The following VAV2 variants were observed in gnomAD, a reference collection of about 807,000 sequenced individuals.
The protein encoded by VAV2 is guanine nucleotide exchange factor VAV2.
A neutral mutation model predicts 132.5 loss-of-function variants in VAV2; 67 were observed. The observed-to-expected ratio is 0.51, with a 90% CI of 0.42 to 0.62. VAV2 has a LOEUF of 0.62. VAV2 is among the 20% of genes least tolerant of loss of function. VAV2 has a pLI of 0.00. For synonymous variants in VAV2, 492 were observed against 443.5 expected (o/e 1.11, Z -1.37); for missense variants, 938 against 1,153.6 (o/e 0.81, Z 2.71).
chr9:133,930,624 C>G (rs1156837052), intron 2 of VAV2, among the ~76,000 whole-genome samples: 1 of 152,248 alleles, frequency 6.6e-6, no homozygotes, highest in Non-Finnish European at 1.5e-5. Flanking sequence ...CCTGAGGATG[C>G]CCCCAGCTCC....
At chr9:133,775,919 G>T (rs1030650426) in intron 24 of VAV2, 109 bp downstream of exon 24, 3 of 1,395,600 alleles carry the variant, frequency 2.1e-6, no homozygotes, top group East Asian at 5.2e-5. Context: ...GGCAGCCTGG[G>T]GCCTCCACCC....
intron 2 of VAV2, among the ~76,000 whole-genome samples, chr9:133,911,105 G>A (rs1448688551): frequency 1.3e-5 from 2 of 152,198 alleles, no homozygotes; most frequent in Admixed American, 6.5e-5. Context: ...GGGAGCACAG[G>A]TCTGATCTCT....
rs1356704379 is a variant in VAV2, at chr9:133,984,135, C to G, written c.204+7940G>C. Among the ~76,000 whole-genome samples, 5 of 152,222 alleles carry G rather than the reference C, an allele frequency of 3.3e-5. No homozygotes were observed. In the East Asian group the frequency reaches 9.7e-4, roughly 29 times the overall value. On this transcript the variant is annotated intron_variant, in intron 1 of 29. Transcript: ENST00000371850. ...TACAAGTGTGCACCACCACACCCAG[C>G]TAATTTTTTGTATTTTTAGCAGATA...
At position 133,834,164 on chromosome 9, in the gene VAV2, C is replaced by T; in HGVS notation, c.449+108G>A. The T allele has an allele frequency of 2.0e-5, 26 of 1,310,318 alleles. No homozygotes were observed. The highest frequency in any genetic ancestry group is 2.8e-5 in the Non-Finnish European group (26 of 944,284). 81.2% of individuals were successfully genotyped at this position (1,310,318 alleles called of 1,614,324 possible). A position where few individuals can be genotyped will look rare whatever the true frequency, so the allele number is the denominator to read the frequency against. On this transcript the variant is annotated intron_variant, in intron 4 of 29. Coordinates refer to ENST00000371850, the MANE Select transcript of VAV2 (RefSeq NM_001134398.2). The surrounding 1 kb of genome is among the most constrained non-coding windows in gnomAD (Gnocchi z 5.9). ...CCCCGGTGGGAAGGGCCAGGGCCAG[C>T]TCTGCCTGCACTGTGGCCGCCATGT...
chr9:133,869,589 G>A (rs775885448), intron 2 of VAV2, among the ~76,000 whole-genome samples: 26 of 152,230 alleles, frequency 1.7e-4, no homozygotes, highest in South Asian at 1.0e-3. Context: ...CAGCCTGGGC[G>A]ACACAGTGAA....
At chr9:133,807,569 C>T (rs1164984279) in intron 7 of VAV2, among the ~76,000 whole-genome samples, 1 of 152,184 alleles carries the variant, frequency 6.6e-6, no homozygotes, top group African/African-American at 2.4e-5. Context: ...CCTGTGGTGG[C>T]CACTCACACA....
In VAV2 at chr9:133,864,702, C is replaced by T. The variant is rs761717366; in HGVS notation, c.322-3270G>A. Reference sequence around the variant, plus strand: ...TGGCTGGATATGCAGCCCGCTGGGGCCCTCTGTCCCCTAAGGACTGGCCAG... The same window carrying T: ...TGGCTGGATATGCAGCCCGCTGGGGTCCTCTGTCCCCTAAGGACTGGCCAG... On this transcript the variant is annotated intron_variant, in intron 2 of 29. Coordinates refer to ENST00000371850, the MANE Select transcript of VAV2 (RefSeq NM_001134398.2). Among the ~76,000 whole-genome samples, 16 of 152,230 alleles carry T rather than the reference C, an allele frequency of 1.1e-4. 1 individual carries two copies. The highest frequency in any genetic ancestry group is 4.1e-4 in the South Asian group (2 of 4,832).
At chr9:133,825,032 G>A (rs978247327) in intron 4 of VAV2, among the ~76,000 whole-genome samples, 1 of 152,244 alleles carries the variant, frequency 6.6e-6, no homozygotes, top group Admixed American at 6.5e-5. Context: ...ACCCTTGGCA[G>A]CATTTGAGGG....
At chr9:133,922,867 T>C (rs1840345304) in intron 2 of VAV2, among the ~76,000 whole-genome samples, 1 of 152,172 alleles carries the variant, frequency 6.6e-6, no homozygotes, top group Non-Finnish European at 1.5e-5. Context: ...CATCAGACTC[T>C]AAAACTTCTG....
intron 2 of VAV2, among the ~76,000 whole-genome samples, chr9:133,873,538 C>T (rs776357851): frequency 1.0e-3 from 156 of 152,300 alleles, no homozygotes; most frequent in African/African-American, 1.4e-3. Context: ...AAGACAGGAG[C>T]GGCACTGCCC....
Position 133,769,904 on chromosome 9 carries a change from C to A in VAV2, c.2348-401G>T, listed in dbSNP as rs190325795. 7.6e-4 allele frequency among the ~76,000 whole-genome samples: 116 copies of A among 152,320 alleles called. No homozygotes were observed. Among genetic ancestry groups the A allele is most frequent in the African/African-American group, 2.7e-3 (114 of 41,582 alleles). On this transcript the variant is annotated intron_variant, in intron 27 of 29. Coordinates refer to ENST00000371850, the MANE Select transcript of VAV2 (RefSeq NM_001134398.2). The surrounding 1 kb of genome is among the most constrained non-coding windows in gnomAD (Gnocchi z 8.1). ...GGGTGACTCTGGAGAGAGTCCTGAG[C>A]GGGAAGCCGCATGCTCGGGGCCTGC...
At position 133,770,602 on chromosome 9, in the gene VAV2, G is replaced by A. The variant is rs543590161; in HGVS notation, c.2224-101C>T. The A allele has an allele frequency of 9.6e-4, 1,469 of 1,535,368 alleles. 3 individuals carry two copies. Among genetic ancestry groups the A allele is most frequent in the Non-Finnish European group, 1.2e-3 (1,379 of 1,136,616 alleles). ...CCCACCTCTTGGTTCATGTGGGGGA[G>A]ACTAGCTTCCTGGACTCCTCAGAAC... On this transcript the variant is annotated intron_variant, in intron 26 of 29. Transcript: ENST00000371850.
At chr9:133,951,438 G>A (rs1309833882) in intron 1 of VAV2, among the ~76,000 whole-genome samples, 1 of 152,168 alleles carries the variant, frequency 6.6e-6, no homozygotes, top group African/African-American at 2.4e-5. Flanking sequence ...CTCTCCTGCA[G>A]GTGCCTACAA....
Position 133,823,965 on chromosome 9 carries a change from G to A in VAV2, c.449+10307C>T, listed in dbSNP as rs1007301234. Among the ~76,000 whole-genome samples, 4 of 152,126 alleles carry A rather than the reference G, an allele frequency of 2.6e-5. No homozygotes were observed. Among genetic ancestry groups the A allele is most frequent in the Non-Finnish European group, 2.9e-5 (2 of 68,022 alleles). ...GATCTCCCACTGAGAAGGAACAAAC[G>A]GCCTCTCCCTCAGTGGTGGGGGTGG... is the stretch of plus-strand genomic sequence containing the variant. On this transcript the variant is annotated intron_variant, in intron 4 of 29. Transcript: ENST00000371850. This position sits in a 1 kb window ranked among gnomAD's most constrained non-coding sequence, Gnocchi z 5.5.
At chr9:133,777,561 C>T in intron 22 of VAV2, 98 bp from the exon 23 acceptor site, 1 of 1,210,906 alleles carries the variant, frequency 8.3e-7, no homozygotes, top group Non-Finnish European at 1.2e-6. Context: ...AATCCCGCTC[C>T]TGGAGGGTGG....
intron 1 of VAV2, among the ~76,000 whole-genome samples, chr9:133,968,210 C>G (rs763986906): frequency 6.6e-6 from 1 of 151,950 alleles, no homozygotes; most frequent in East Asian, 1.9e-4. Context: ...TGAAATGTTC[C>G]CAACACAAAG....
At chr9:133,956,579 A>G (rs1841787886) in intron 1 of VAV2, among the ~76,000 whole-genome samples, 1 of 152,228 alleles carries the variant, frequency 6.6e-6, no homozygotes, top group Non-Finnish European at 1.5e-5. Context: ...ATGTATAAAA[A>G]GCACGCAGCC....
At chr9:133,987,355 G>GA (rs1343509490) in intron 1 of VAV2, among the ~76,000 whole-genome samples, 1 of 152,258 alleles carries the variant, frequency 6.6e-6, no homozygotes, top group African/African-American at 2.4e-5. Flanking sequence ...ACAGGGTGGG[G>GA]AGAGGGTGAA....
rs1771849303 is a variant in VAV2, at chr9:133,991,569, C to G, written c.204+506G>C. Among the ~76,000 whole-genome samples, 1 of 151,764 alleles carries G rather than the reference C, an allele frequency of 6.6e-6. No homozygotes were observed. Among genetic ancestry groups the G allele is most frequent in the Non-Finnish European group, 1.5e-5 (1 of 67,888 alleles). ...GGGGCGGTGCCCGGGGCCAACCCAG[C>G]TCCCTCCGGCCCCGAGGGCTCCCGC... On this transcript the variant is annotated intron_variant, in intron 1 of 29. Transcript: ENST00000371850. This position sits in a 1 kb window ranked among gnomAD's most constrained non-coding sequence, Gnocchi z 4.8.
Sources: gnomAD v4.1 joint callset for allele counts (sites outside exome capture counted in the v4.1 genomes callset) on GRCh38, gnomAD v4.1.1 for gene constraint, Gnocchi (gnomAD v3.1) non-coding constraint, MANE v1.5 for transcripts, NCBI Gene and HGNC (gene_info 2026-07-23, HGNC 2026-07-21) for gene names.